NBEA: variants seen among roughly 807,000 people sequenced by gnomAD.
NBEA encodes lysosomal-trafficking regulator 2.
A neutral mutation model predicts 343.4 loss-of-function variants in NBEA; 44 were observed. The ratio of observed to expected loss-of-function variants is 0.13; its 90% CI spans 0.10 to 0.16. The LOEUF (loss-of-function observed/expected upper bound fraction) is 0.16. NBEA is among the 10% of genes least tolerant of loss of function. NBEA has a pLI of 1.00. For missense variants in NBEA, 2,555 were observed against 3,631.3 expected (o/e 0.70, Z 7.62); for synonymous variants, 1,175 against 1,238.7 (o/e 0.95, Z 1.08).
At chr13:35,246,694 G>A (rs1284405699) in intron 34 of NBEA, among the ~76,000 whole-genome samples, 1 of 152,198 alleles carries the variant, frequency 6.6e-6, no homozygotes, top group Non-Finnish European at 1.5e-5. Context: ...GGTGGCAGGG[G>A]AGTGAAATGT....
At position 35,325,875 on chromosome 13, in the gene NBEA, G is replaced by C. The variant is rs139633897; in HGVS notation, c.5903+16283G>C. 1.1e-3 allele frequency among the ~76,000 whole-genome samples: 170 copies of C among 151,842 alleles called. 1 individual carries two copies. The highest frequency in any genetic ancestry group is 3.9e-3 in the African/African-American group (163 of 41,422). ...GTTCAGTTTCAACTTTCTCTATTTGGCTAGGTAGCTATCCTAGCACCATTT... is the reference window on the plus strand; with the variant it reads ...GTTCAGTTTCAACTTTCTCTATTTGCCTAGGTAGCTATCCTAGCACCATTT... On this transcript the variant is annotated intron_variant, in intron 36 of 58. Transcript: ENST00000379939.
In NBEA at chr13:35,390,786, T is replaced by C. The variant is rs188572021; in HGVS notation, c.6179+38463T>C. On this transcript the variant is annotated intron_variant, in intron 38 of 58. Transcript: ENST00000379939. ...AAGTAGTAAAGGAAACATCACTTTT[T>C]AAATCTTAAATTTTATATTTCTTTG... 2.6e-5 allele frequency among the ~76,000 whole-genome samples: 4 copies of C among 152,332 alleles called. No homozygotes were observed. In the East Asian group the frequency reaches 7.7e-4, roughly 29 times the overall value.
chr13:35,097,620 C>T (rs998705357), intron 10 of NBEA, among the ~76,000 whole-genome samples: 2 of 151,886 alleles, frequency 1.3e-5, no homozygotes, highest in African/African-American at 2.4e-5. Context: ...TTTGTTTCTT[C>T]ATTGATTCCA....
chr13:34,960,871 G>C (rs372059426), intron 1 of NBEA, among the ~76,000 whole-genome samples: 1 of 152,010 alleles, frequency 6.6e-6, no homozygotes, highest in East Asian at 1.9e-4. Flanking sequence ...TTTTATCCTA[G>C]AAATAATGTT....
chr13:35,077,657 T>G (rs2064179413), intron 10 of NBEA, among the ~76,000 whole-genome samples: 1 of 152,176 alleles, frequency 6.6e-6, no homozygotes, highest in African/African-American at 2.4e-5. Flanking sequence ...TAATTGCTGT[T>G]GCCCTTTTCC....
At chr13:35,166,652 CTT>C (rs1566397067) in intron 24 of NBEA, among the ~76,000 whole-genome samples, 33 of 152,146 alleles carry the variant, frequency 2.2e-4, no homozygotes, top group Middle Eastern at 3.4e-3. Context: ...ATAGCCGAAC[CTT>C]TCTCCCATTT....
chr13:34,985,986 G>C (rs2060530903), intron 1 of NBEA, among the ~76,000 whole-genome samples: 1 of 150,380 alleles, frequency 6.6e-6, no homozygotes, highest in African/African-American at 2.4e-5. Context: ...AAAAAAACCA[G>C]CTCCTGGATT....
intron 1 of NBEA, among the ~76,000 whole-genome samples, chr13:35,005,383 C>G (rs1390472786): frequency 1.3e-5 from 2 of 152,120 alleles, no homozygotes; most frequent in Non-Finnish European, 2.9e-5. Flanking sequence ...TGTCTTGCTT[C>G]TGCTTTAACC....
intron 33 of NBEA, among the ~76,000 whole-genome samples, chr13:35,216,998 A>G (rs547730229): frequency 6.6e-6 from 1 of 151,838 alleles, no homozygotes; most frequent in Non-Finnish European, 1.5e-5. Flanking sequence ...TGGCTTAACC[A>G]CTTTATGTTT....
At chr13:35,006,750 T>C (rs759947210) in intron 1 of NBEA, among the ~76,000 whole-genome samples, 4 of 152,218 alleles carry the variant, frequency 2.6e-5, no homozygotes, top group Non-Finnish European at 5.9e-5. Context: ...TTTTCTTTCC[T>C]AGGTTTTTAA....
At chr13:35,494,696 A>ACCTC (rs2076612530) in intron 41 of NBEA, among the ~76,000 whole-genome samples, 1 of 152,018 alleles carries the variant, frequency 6.6e-6, no homozygotes, top group Non-Finnish European at 1.5e-5. Flanking sequence ...TAATAGCATT[A>ACCTC]AATGTAAATG....
intron 33 of NBEA, among the ~76,000 whole-genome samples, chr13:35,221,044 G>T (rs1593806258): frequency 6.6e-6 from 1 of 151,918 alleles, no homozygotes; most frequent in African/African-American, 2.4e-5. Flanking sequence ...TTTGACTTTT[G>T]TGGTTTAATA....
At chr13:34,957,274 C>A (rs1241618177) in intron 1 of NBEA, among the ~76,000 whole-genome samples, 1 of 152,062 alleles carries the variant, frequency 6.6e-6, no homozygotes, top group Non-Finnish European at 1.5e-5. Flanking sequence ...ATCTTTATTA[C>A]AAAGCTTAAA....
At chr13:35,560,793 A>G (rs1566322557) in intron 44 of NBEA, among the ~76,000 whole-genome samples, 1 of 152,206 alleles carries the variant, frequency 6.6e-6, no homozygotes, top group Non-Finnish European at 1.5e-5. Context: ...GCTTTCTTCT[A>G]ATGGTAGCAA....
intron 33 of NBEA, among the ~76,000 whole-genome samples, chr13:35,231,002 A>G (rs2074941691): frequency 6.6e-6 from 1 of 152,080 alleles, no homozygotes; most frequent in South Asian, 2.1e-4. Flanking sequence ...TTTAGGAATT[A>G]CAGAGTAGGG....
rs183797153 is a variant in NBEA, at chr13:35,066,456, A to G, written c.1240-3452A>G. On this transcript the variant is annotated intron_variant, in intron 8 of 58. Coordinates refer to ENST00000379939, the MANE Select transcript of NBEA (RefSeq NM_001385012.1). ...CCTTCATTTCTTCAGAGATTTCTTCATGTATTTTGATGCTTTGTTGTTGGG... is the reference window on the plus strand; with the variant it reads ...CCTTCATTTCTTCAGAGATTTCTTCGTGTATTTTGATGCTTTGTTGTTGGG... Among the ~76,000 whole-genome samples, 19 of 152,162 alleles carry G rather than the reference A, an allele frequency of 1.2e-4. No homozygotes were observed. The East Asian group carries it at 3.7e-3, about 29-fold the overall frequency.
chr13:35,522,606 C>A (rs538005565), intron 41 of NBEA, among the ~76,000 whole-genome samples: 6 of 151,924 alleles, frequency 3.9e-5, no homozygotes, highest in Non-Finnish European at 7.4e-5. Context: ...CCCTCCCCTG[C>A]GACGGTACCA....
At chr13:35,467,103 T>G (rs1194375506) in intron 40 of NBEA, among the ~76,000 whole-genome samples, 1 of 152,182 alleles carries the variant, frequency 6.6e-6, no homozygotes, top group Non-Finnish European at 1.5e-5. Context: ...GTAATTTGTT[T>G]TGAGATTAAA....
At chr13:35,050,930 A>G (rs1300857006) in intron 6 of NBEA, among the ~76,000 whole-genome samples, 1 of 151,984 alleles carries the variant, frequency 6.6e-6, no homozygotes, top group Non-Finnish European at 1.5e-5. Context: ...TCTTTACTTA[A>G]TATCTCAAAT....
Sources: gnomAD v4.1 joint callset for allele counts (sites outside exome capture counted in the v4.1 genomes callset) on GRCh38, gnomAD v4.1.1 for gene constraint, MANE v1.5 for transcripts, NCBI Gene and HGNC (gene_info 2026-07-23, HGNC 2026-07-21) for gene names.